LHX6: variants seen among roughly 807,000 people sequenced by gnomAD.
LHX6 encodes the protein LIM/homeobox protein Lhx6.
LHX6 carries 15 observed loss-of-function variants against 47.1 expected under a neutral mutation model. The observed-to-expected ratio is 0.32, with a 90% confidence interval of 0.21 to 0.49. The LOEUF is 0.49. Ranked by LOEUF, LHX6 falls within the 20% of genes least tolerant of loss-of-function variation. The pLI is 0.99. For missense variants in LHX6, 404 were observed against 539.6 expected (o/e 0.75, Z 2.49); for synonymous variants, 242 against 233.5 (o/e 1.04, Z -0.33).
intron 4 of LHX6, among the ~76,000 whole-genome samples, chr9:122,225,694 C>A (rs1333054456): frequency 1.3e-5 from 2 of 152,272 alleles, no homozygotes; most frequent in African/African-American, 4.8e-5. Flanking sequence ...CTGGAACAGG[C>A]GCTGGGGGCC....
chr9:122,212,998 C>A lies in LHX6; in HGVS notation c.1054+608G>T, dbSNP rs535286268. Among the ~76,000 whole-genome samples the A allele has an allele frequency of 5.3e-5, 8 of 152,212 alleles. No homozygotes were observed. The East Asian group carries it at 1.2e-3, about 22-fold the overall frequency. ...GGAGGTTAGGTGACTTGCCTAAGGC[C>A]TCACAGCCCTGGACACTCCCATCAC... On this transcript the variant is annotated intron_variant, in intron 8 of 9. Transcript: ENST00000394319.
chr9:122,204,817 G>C lies in LHX6; in HGVS notation c.1159-37C>G, dbSNP rs200531051. 6.7e-5 allele frequency: 100 copies of C among 1,487,264 alleles called. No individual in the cohort carries two copies. In the Middle Eastern group the frequency reaches 1.4e-3, roughly 21 times the overall value. The allele number at this position is 1,487,264 out of a possible 1,614,324, so 92.1% of individuals were successfully genotyped here. On this transcript the variant is annotated intron_variant, in intron 9 of 9. Transcript: ENST00000394319. ...GGGCATGGGAGGTGGCTGAGCTGGG[G>C]GCCTGCCCCACCCTGCTGCCCCCCA... is the stretch of plus-strand genomic sequence containing the variant.
Position 122,227,499 on chromosome 9 carries a change from G to GGGGGGGA in LHX6, c.85-20_85-19insTCCCCCC. ...CCATCACCTGGGGGAGGGGGGGAGG[G>GGGGGGGA]AACGCAGGCGGCGGCGGCTGCTGAA... On this transcript the variant is annotated intron_variant, in intron 1 of 9. Coordinates refer to ENST00000394319, the MANE Select transcript of LHX6 (RefSeq NM_014368.5). The GGGGGGGA allele has an allele frequency of 3.0e-6, 2 of 656,310 alleles. No individual in the cohort carries two copies. The highest frequency in any genetic ancestry group is 5.0e-6 in the Non-Finnish European group (2 of 401,614). 40.7% of individuals were successfully genotyped at this position (656,310 alleles called of 1,614,324 possible).
intron 4 of LHX6, among the ~76,000 whole-genome samples, chr9:122,223,576 G>A (rs1029987728): frequency 3.9e-5 from 6 of 152,160 alleles, no homozygotes; most frequent in Admixed American, 6.5e-5. Context: ...TGGAAAGGGC[G>A]AACTAAGGGC....
intron 4 of LHX6, among the ~76,000 whole-genome samples, chr9:122,222,810 G>C (rs889429180): frequency 9.8e-5 from 15 of 152,334 alleles, no homozygotes; most frequent in Admixed American, 3.3e-4. Flanking sequence ...AGAGGTTAGA[G>C]GACCATGGGA....
chr9:122,226,733 G>A lies in LHX6; in HGVS notation c.339+115C>T, dbSNP rs1222277029. 4 of 1,306,168 alleles carry A rather than the reference G, an allele frequency of 3.1e-6. No homozygotes were observed. The highest frequency in any genetic ancestry group is 4.1e-6 in the Non-Finnish European group (4 of 965,810). The allele number at this position is 1,306,168 out of a possible 1,614,324, so 80.9% of individuals were successfully genotyped here. A position where few individuals can be genotyped will look rare whatever the true frequency, so the allele number is the denominator to read the frequency against. On this transcript the variant is annotated intron_variant, in intron 3 of 9. Transcript: ENST00000394319. The surrounding 1 kb of genome is among the most constrained non-coding windows in gnomAD (Gnocchi z 6.5). ...AAGTCTTGCCCAAAGCTTCGCAGTCGGGCAGCAGTGGAGCCAGGATTTGGA... is the reference window on the plus strand; with the variant it reads ...AAGTCTTGCCCAAAGCTTCGCAGTCAGGCAGCAGTGGAGCCAGGATTTGGA...
rs554870230 is a variant in LHX6, at chr9:122,203,341, T to C, written c.*1419A>G. The C allele has an allele frequency of 3.0e-4, 46 of 152,636 alleles. No homozygotes were observed. Among genetic ancestry groups the C allele is most frequent in the African/African-American group, 1.1e-3 (44 of 41,580 alleles). The allele number at this position is 152,636 out of a possible 1,614,324, so 9.5% of individuals were successfully genotyped here. A position where few individuals can be genotyped will look rare whatever the true frequency, so the allele number is the denominator to read the frequency against. On this transcript the variant is annotated 3_prime_UTR_variant, in exon 10 of 10. Transcript: ENST00000394319. ...CATGGGTAAAAACAGAGACAATGGC[T>C]GCGTATGTACCATGAACTTGCTTTC...
In LHX6 at chr9:122,204,545, C is replaced by T. The variant is rs1830096498; in HGVS notation, c.*215G>A. On this transcript the variant is annotated 3_prime_UTR_variant, in exon 10 of 10. Coordinates refer to ENST00000394319, the MANE Select transcript of LHX6 (RefSeq NM_014368.5). ...CCAGATTTCAGGGAGTTCTGCCTTC[C>T]AAGAGGAGGACTCTGTGGTGCTCCT... is the stretch of plus-strand genomic sequence containing the variant. 1.1e-5 allele frequency: 5 copies of T among 440,318 alleles called. No individual in the cohort carries two copies. The highest frequency in any genetic ancestry group is 2.0e-5 in the Non-Finnish European group (5 of 246,212). 27.3% of individuals were successfully genotyped at this position (440,318 alleles called of 1,614,324 possible).
chr9:122,210,430 T>C (rs1447490496), intron 8 of LHX6, among the ~76,000 whole-genome samples: 3 of 152,208 alleles, frequency 2.0e-5, no homozygotes, highest in African/African-American at 7.2e-5. Context: ...ACCATGACTT[T>C]ACCCATGCCT....
At chr9:122,222,314 C>T (rs1395564939) in intron 4 of LHX6, among the ~76,000 whole-genome samples, 1 of 152,186 alleles carries the variant, frequency 6.6e-6, no homozygotes, top group Non-Finnish European at 1.5e-5. Flanking sequence ...ACTATTCTTC[C>T]TCCAGAATTT....
Position 122,228,732 on chromosome 9 carries a change from C to T in LHX6, c.9G>A (p.Trp3Ter). MY[W>*]KHENAAPALP... Reference sequence around the variant, plus strand: ...ACGCCGGGGCGGCGTTCTCATGCTTCCAGTACATGGGCCGGGGAACCTCGG... The same window carrying T: ...ACGCCGGGGCGGCGTTCTCATGCTTTCAGTACATGGGCCGGGGAACCTCGG... Residue 3 changes from tryptophan (W) to a stop codon, truncating the protein, a stop_gained, in exon 1 of 10, where the codon TGG (tryptophan) becomes TGA (stop). Transcript: ENST00000394319. LOFTEE classifies it high-confidence loss of function. 7.7e-7 allele frequency: 1 copy of T among 1,291,238 alleles called. No homozygotes were observed. The highest frequency in any genetic ancestry group is 9.8e-7 in the Non-Finnish European group (1 of 1,017,654). The allele number at this position is 1,291,238 out of a possible 1,614,324, so 80.0% of individuals were successfully genotyped here.
rs529487663 is a variant in LHX6, at chr9:122,213,510, G to T, written c.1054+96C>A. ...TTCTTCACCCACGAGGCTCCCCAAG[G>T]CCCTCCACCCCACGCCTCGGCCTCA... On this transcript the variant is annotated intron_variant, in intron 8 of 9. Transcript: ENST00000394319. The surrounding 1 kb of genome is among the most constrained non-coding windows in gnomAD (Gnocchi z 5.5). 3 of 1,148,884 alleles carry T rather than the reference G, an allele frequency of 2.6e-6. No individual in the cohort carries two copies. Among genetic ancestry groups the T allele is most frequent in the African/African-American group, 3.1e-5 (2 of 64,446 alleles). 71.2% of individuals were successfully genotyped at this position (1,148,884 alleles called of 1,614,324 possible). A position where few individuals can be genotyped will look rare whatever the true frequency, so the allele number is the denominator to read the frequency against.
intron 1 of LHX6, chr9:122,228,341 C>T: frequency 6.5e-7 from 1 of 1,533,446 alleles, no homozygotes; most frequent in South Asian, 1.2e-5. Flanking sequence ...GCTGCGCCGG[C>T]ACAACCCCCG....
At chr9:122,212,159 G>A (rs1830421621) in intron 8 of LHX6, among the ~76,000 whole-genome samples, 1 of 152,162 alleles carries the variant, frequency 6.6e-6, no homozygotes, top group Non-Finnish European at 1.5e-5. Context: ...TCAGAACACT[G>A]CTTTGAGATA....
chr9:122,205,268 T>C (rs1369244475), intron 9 of LHX6, among the ~76,000 whole-genome samples: 31 of 152,260 alleles, frequency 2.0e-4, no homozygotes, highest in Admixed American at 1.9e-3. Flanking sequence ...ACATTGCCTC[T>C]ACCTTTCCAA....
intron 1 of LHX6, chr9:122,228,150 T>C: frequency 1.5e-6 from 1 of 650,474 alleles, no homozygotes. Context: ...TTGAAGCAGC[T>C]ATATTGACAC....
chr9:122,217,000 G>A, intron 5 of LHX6, 68 bp downstream of exon 5: 2 of 1,352,132 alleles, frequency 1.5e-6, no homozygotes, highest in Admixed American at 1.8e-5. Flanking sequence ...GTGGTTCCTG[G>A]GGTGCTGGGG....
chr9:122,221,330 C>A (rs1830847317), intron 4 of LHX6: 1 of 985,576 alleles, frequency 1.0e-6, no homozygotes. Flanking sequence ...CCCCCAACAT[C>A]TGTCCCCCAA....
intron 4 of LHX6, among the ~76,000 whole-genome samples, chr9:122,223,426 C>T (rs572566916): frequency 1.3e-5 from 2 of 152,342 alleles, no homozygotes; most frequent in East Asian, 3.9e-4. Context: ...GAAATGCCAT[C>T]ATGGGCTTGT....
Sources: gnomAD v4.1 joint callset for allele counts (sites outside exome capture counted in the v4.1 genomes callset) on GRCh38, gnomAD v4.1.1 for gene constraint, Gnocchi (gnomAD v3.1) non-coding constraint, MANE v1.5 for transcripts, NCBI Gene and HGNC (gene_info 2026-07-23, HGNC 2026-07-21) for gene names.